RTN4RL1: variants seen among roughly 807,000 people sequenced by gnomAD.
The protein encoded by RTN4RL1 is reticulon 4 receptor like 1.
Under a neutral mutation model 25.6 loss-of-function variants are expected in RTN4RL1, and 7 were observed. The observed-to-expected ratio is 0.27, with a 90% CI of 0.16 to 0.51. RTN4RL1 has a LOEUF of 0.51. RTN4RL1 is among the 20% of genes least tolerant of loss of function. The pLI is 0.97. For synonymous variants in RTN4RL1, 297 were observed against 288.2 expected, an observed-to-expected ratio of 1.03 and a Z score of -0.31; for missense variants, 500 against 615.6, an observed-to-expected ratio of 0.81 and a Z score of 1.99.
chr17:1,949,753 C>A (rs1206883503), intron 1 of RTN4RL1, among the ~76,000 whole-genome samples: 3 of 152,192 alleles, frequency 2.0e-5, no homozygotes, highest in Non-Finnish European at 2.9e-5. Flanking sequence ...AATAAAGGAA[C>A]CAGATAAGCC....
chr17:1,979,897 A>C (rs2066859978), intron 1 of RTN4RL1, among the ~76,000 whole-genome samples: 1 of 152,148 alleles, frequency 6.6e-6, no homozygotes, highest in Non-Finnish European at 1.5e-5. Context: ...TGGAGAAGGA[A>C]ATCTCTGTTC....
At position 1,935,716 on chromosome 17, in the gene RTN4RL1, T is replaced by C. The variant is rs1480843228; in HGVS notation, c.*780A>G. 4.9e-5 allele frequency: 5 copies of C among 102,956 alleles called. No homozygotes were observed. The highest frequency in any genetic ancestry group is 7.6e-5 in the Non-Finnish European group (4 of 52,954). 6.4% of individuals were successfully genotyped at this position (102,956 alleles called of 1,614,324 possible). On this transcript the variant is annotated 3_prime_UTR_variant, in exon 2 of 2. Transcript: ENST00000331238. Reference sequence around the variant, plus strand: ...GAGGGGGACTGTGCATTTGTGTATATATATATATATATATATATATATATA... The same window carrying C: ...GAGGGGGACTGTGCATTTGTGTATACATATATATATATATATATATATATA...
At chr17:1,985,407 G>A (rs2066883527) in intron 1 of RTN4RL1, among the ~76,000 whole-genome samples, 1 of 152,204 alleles carries the variant, frequency 6.6e-6, no homozygotes, top group Non-Finnish European at 1.5e-5. Context: ...TGGCAGATGG[G>A]AAACGAAGAT....
chr17:1,992,355 T>C (rs2066912993), intron 1 of RTN4RL1, among the ~76,000 whole-genome samples: 1 of 129,106 alleles, frequency 7.7e-6, no homozygotes. Flanking sequence ...CGAGACTCTG[T>C]CTCAAAAAAA....
At chr17:2,022,025 A>T (rs2067213714) in intron 1 of RTN4RL1, among the ~76,000 whole-genome samples, 1 of 150,962 alleles carries the variant, frequency 6.6e-6, no homozygotes, top group Non-Finnish European at 1.5e-5. Context: ...CAAATTTTTT[A>T]AAATTTTGGC....
rs770498523 is a variant in RTN4RL1, at chr17:1,988,400, C to A, written c.13+36453G>T. 4.4e-3 allele frequency among the ~76,000 whole-genome samples: 470 copies of A among 106,012 alleles called. 2 individuals carry two copies. Among genetic ancestry groups the A allele is most frequent in the Non-Finnish European group, 5.7e-3 (295 of 52,052 alleles). 69.5% of individuals were successfully genotyped at this position (106,012 alleles called of 152,430 possible). ...AGCCTGGTGACAGAGCAAGACTCCG[C>A]CTCAAAAAAAAAAAAAAAAAAGAAA... On this transcript the variant is annotated intron_variant, in intron 1 of 1. Coordinates refer to ENST00000331238, the MANE Select transcript of RTN4RL1 (RefSeq NM_178568.4).
At chr17:2,012,444 G>A (rs938048817) in intron 1 of RTN4RL1, among the ~76,000 whole-genome samples, 3 of 152,200 alleles carry the variant, frequency 2.0e-5, no homozygotes, top group Non-Finnish European at 4.4e-5. Context: ...CTAATGAGAC[G>A]TGCGTTTTCT....
chr17:1,985,990 C>G (rs1388008687), intron 1 of RTN4RL1, among the ~76,000 whole-genome samples: 1 of 151,996 alleles, frequency 6.6e-6, no homozygotes, highest in East Asian at 1.9e-4. Context: ...TAGGATGGCC[C>G]CAGCTAAGCA....
intron 1 of RTN4RL1, among the ~76,000 whole-genome samples, chr17:2,008,128 C>T (rs1597242765): frequency 6.6e-6 from 1 of 150,516 alleles, no homozygotes; most frequent in African/African-American, 2.5e-5. Context: ...AATTATCCGG[C>T]TGTGGTGGTG....
chr17:1,978,681 G>A (rs907953237), intron 1 of RTN4RL1, among the ~76,000 whole-genome samples: 2 of 152,206 alleles, frequency 1.3e-5, no homozygotes, highest in Non-Finnish European at 1.5e-5. Context: ...GAGGTAGTGC[G>A]CACGGAGCAT....
intron 1 of RTN4RL1, among the ~76,000 whole-genome samples, chr17:1,996,979 G>A (rs1296263429): frequency 1.3e-5 from 2 of 152,118 alleles, no homozygotes; most frequent in Non-Finnish European, 2.9e-5. Context: ...GCCAGGCAGG[G>A]GACCAGCCAC....
rs114813853 is a variant in RTN4RL1 at position 1,958,483 on chromosome 17, A to G, written c.14-20675T>C. Among the ~76,000 whole-genome samples, 870 of 152,348 alleles carry G rather than the reference A, an allele frequency of 5.7e-3. 10 individuals carry two copies. The highest frequency in any genetic ancestry group is 0.02 in the African/African-American group (821 of 41,570). ...TGCTTCACACTCATGAGGCCGGGGA[A>G]ATGGACAAGGCGGTTGGGGAAGGAA... On this transcript the variant is annotated intron_variant, in intron 1 of 1. Transcript: ENST00000331238.
chr17:1,982,039 C>T (rs1160910602), intron 1 of RTN4RL1, among the ~76,000 whole-genome samples: 1 of 152,234 alleles, frequency 6.6e-6, no homozygotes, highest in Non-Finnish European at 1.5e-5. Context: ...GTGGCTCACG[C>T]CTGTAATCCC....
chr17:1,947,662 G>A (rs955684270), intron 1 of RTN4RL1, among the ~76,000 whole-genome samples: 3 of 152,198 alleles, frequency 2.0e-5, no homozygotes, highest in Admixed American at 6.5e-5. Context: ...GTGCTAATTA[G>A]GCCGCCACAT....
At chr17:1,957,607 G>A (rs1915817940) in intron 1 of RTN4RL1, among the ~76,000 whole-genome samples, 1 of 152,160 alleles carries the variant, frequency 6.6e-6, no homozygotes, top group Non-Finnish European at 1.5e-5. Context: ...TTGGGAGGCT[G>A]AGGCGGGTGG....
Position 1,936,368 on chromosome 17 carries a change from C to A in RTN4RL1, c.*128G>T. 6.9e-7 allele frequency: 1 copy of A among 1,442,848 alleles called. No individual in the cohort carries two copies. The highest frequency in any genetic ancestry group is 9.1e-7 in the Non-Finnish European group (1 of 1,104,072). 89.4% of individuals were successfully genotyped at this position (1,442,848 alleles called of 1,614,324 possible). On this transcript the variant is annotated 3_prime_UTR_variant, in exon 2 of 2. Transcript: ENST00000331238. Reference sequence around the variant, plus strand: ...ACATGGCAGGGTCCAGACGTCCAGACAGCAGCCGAAGGCTCTACCAGCCTT... The same window carrying A: ...ACATGGCAGGGTCCAGACGTCCAGAAAGCAGCCGAAGGCTCTACCAGCCTT...
chr17:1,936,520 C>T lies in RTN4RL1; in HGVS notation c.1302G>A (p.Leu434=). 1.9e-6 allele frequency: 3 copies of T among 1,548,906 alleles called. No homozygotes were observed. Among genetic ancestry groups the T allele is most frequent in the African/African-American group, 2.7e-5 (2 of 73,440 alleles). The part of the protein sequence containing the change: ...SLGASLLAWT[L]GLAVTLR ...CTCAGCGGAGAGTGACCGCCAGCCC[C>T]AGTGTCCAGGCCAGGAGGGAGGCCC... Residue 434 remains leucine, a synonymous_variant, in exon 2 of 2, where the codon CTG becomes CTA. Coordinates refer to ENST00000331238, the MANE Select transcript of RTN4RL1 (RefSeq NM_178568.4).
intron 1 of RTN4RL1, among the ~76,000 whole-genome samples, chr17:2,002,251 C>T (rs370477359): frequency 6.8e-6 from 1 of 147,550 alleles, no homozygotes; most frequent in African/African-American, 2.5e-5. Context: ...CTCCCTCCCT[C>T]CTTTCTTTTT....
At chr17:2,005,988 G>A (rs1044493827) in intron 1 of RTN4RL1, among the ~76,000 whole-genome samples, 3 of 151,524 alleles carry the variant, frequency 2.0e-5, no homozygotes, top group South Asian at 2.1e-4. Context: ...TAGTAAAGAC[G>A]GGATTTCACT....
Sources: allele counts gnomAD v4.1 joint callset (sites outside exome capture counted in the v4.1 genomes callset), GRCh38; gene constraint gnomAD v4.1.1; transcripts MANE v1.5; gene names NCBI Gene and HGNC (gene_info 2026-07-23, HGNC 2026-07-21).